MRPL34: variants seen among roughly 807,000 people sequenced by gnomAD.
MRPL34 encodes the protein mitochondrial ribosomal protein L34, also known as large ribosomal subunit protein bL34m.
Under a neutral mutation model 6.7 loss-of-function variants are expected in MRPL34, and 8 were observed. The ratio of observed to expected loss-of-function variants is 1.20; its 90% CI spans 0.70 to 2.16. The LOEUF (loss-of-function observed/expected upper bound fraction) is 2.16, where lower values mean the gene tolerates loss of function less well. MRPL34 is among the 30% of genes most tolerant of loss of function. MRPL34 has a pLI of 0.00. For missense variants in MRPL34, 146 were observed against 125.5 expected, an observed-to-expected ratio of 1.16 and a Z score of -0.78; for synonymous variants, 59 against 55.1, an observed-to-expected ratio of 1.07 and a Z score of -0.31.
chr19:17,294,554 C>G (rs764761766), intron 1 of MRPL34: 1 of 1,611,372 alleles, frequency 6.2e-7, no homozygotes, highest in African/African-American at 1.3e-5. Flanking sequence ...GCCCGACTGC[C>G]GTGGGGTGCC....
At chr19:17,305,831 G>C (rs1392404860), upstream of MRPL34, 3 of 1,501,724 alleles carry the variant, frequency 2.0e-6, no homozygotes, top group Non-Finnish European at 2.8e-6. Context: ...TTTGTTCCAG[G>C]GCTGGAGCGG....
chr19:17,294,176 CGG>C, intron 1 of MRPL34: 1 of 1,346,340 alleles, frequency 7.4e-7, no homozygotes, highest in South Asian at 1.4e-5. Context: ...CACGCCCCCT[CGG>C]GAAGAAAGCA....
chr19:17,305,662 CGTTCGCCGGCTACCT>C (rs1235777546), upstream of MRPL34: 1 of 581,350 alleles, frequency 1.7e-6, no homozygotes, highest in Non-Finnish European at 3.1e-6. Flanking sequence ...CAGAAGGCGC[CGTTCGCCGGCTACCT>C]GTTGGTGTGT....
chr19:17,293,809 T>C (rs554630536), intron 1 of MRPL34, among the ~76,000 whole-genome samples: 3 of 151,658 alleles, frequency 2.0e-5, no homozygotes, highest in African/African-American at 7.3e-5. Context: ...TCCGCCCCAC[T>C]CAGCCTCCCA....
upstream of MRPL34, among the ~76,000 whole-genome samples, chr19:17,305,241 C>CTT (rs34823570): frequency 1.8e-4 from 22 of 121,206 alleles, no homozygotes; most frequent in South Asian, 2.2e-3. Context: ...ATTTTTCTTC[C>CTT]TTTTTTTTTT....
exon 1 of MRPL34, chr19:17,292,655 C>G: frequency 6.2e-7 from 1 of 1,605,710 alleles, no homozygotes; most frequent in Non-Finnish European, 8.5e-7. Flanking sequence ...CCCGCCGGCC[C>G]AGCGGCTACT....
chr19:17,293,215 C>A (rs1013956630), intron 1 of MRPL34, among the ~76,000 whole-genome samples: 6 of 151,718 alleles, frequency 4.0e-5, no homozygotes, highest in African/African-American at 1.4e-4. Flanking sequence ...CTTGCCTCAG[C>A]CTCCCAAGTA....
chr19:17,294,081 C>G (rs1017546563), intron 1 of MRPL34, among the ~76,000 whole-genome samples: 3 of 152,134 alleles, frequency 2.0e-5, no homozygotes, highest in African/African-American at 7.2e-5. Flanking sequence ...TTTCTAGATT[C>G]TACTTCTGAT....
At chr19:17,297,220 C>T (rs1452933404) in intron 1 of MRPL34, among the ~76,000 whole-genome samples, 1 of 152,196 alleles carries the variant, frequency 6.6e-6, no homozygotes, top group Non-Finnish European at 1.5e-5. Flanking sequence ...CTCCACATTC[C>T]TGAAGTTGTA....
chr19:17,301,598 C>T (rs759068394), upstream of MRPL34: 13 of 1,553,880 alleles, frequency 8.4e-6, no homozygotes, highest in South Asian at 1.4e-4. Context: ...AAGATACCGT[C>T]GGTCACCCCG....
chr19:17,298,275 C>G (rs545062213), upstream of MRPL34: 1 of 152,040 alleles, frequency 6.6e-6, no homozygotes, highest in Non-Finnish European at 1.5e-5. Flanking sequence ...GCTCAACTTG[C>G]CTGGCTGTTC....
At chr19:17,295,732 G>T (rs1280092498) in intron 1 of MRPL34, among the ~76,000 whole-genome samples, 1 of 152,144 alleles carries the variant, frequency 6.6e-6, no homozygotes, top group Non-Finnish European at 1.5e-5. Flanking sequence ...TTTGAGACAA[G>T]GTTTCGCTGT....
upstream of MRPL34, among the ~76,000 whole-genome samples, chr19:17,303,866 A>G (rs1220919648): frequency 6.6e-6 from 1 of 152,218 alleles, no homozygotes; most frequent in Non-Finnish European, 1.5e-5. Context: ...AAAGGGCACA[A>G]GAGCATAAAT....
At chr19:17,292,747 G>A in exon 1 of MRPL34, 1 of 1,613,892 alleles carries the variant, frequency 6.2e-7, no homozygotes, top group Non-Finnish European at 8.5e-7. Context: ...AATTCGTGGA[G>A]CAGCGTGTTG....
upstream of MRPL34, chr19:17,305,758 T>A: frequency 1.1e-6 from 1 of 917,820 alleles, no homozygotes; most frequent in Non-Finnish European, 1.7e-6. Flanking sequence ...GAACTACAAC[T>A]TCAGGGTTTT....
chr19:17,294,460 T>C, intron 1 of MRPL34: 1 of 1,614,150 alleles, frequency 6.2e-7, no homozygotes, highest in Non-Finnish European at 8.5e-7. Context: ...GTTGCCCTCC[T>C]TTAACAGCTG....
At chr19:17,299,503 G>A (rs2074107958), upstream of MRPL34, among the ~76,000 whole-genome samples, 1 of 147,190 alleles carries the variant, frequency 6.8e-6, no homozygotes. Flanking sequence ...GGAGCTTGCA[G>A]TGAGCCAGGA....
chr19:17,294,233 C>T, intron 1 of MRPL34: 5 of 1,567,906 alleles, frequency 3.2e-6, no homozygotes, highest in Non-Finnish European at 4.3e-6. Context: ...CCACGCCCCT[C>T]CCGGGCAGCA....
chr19:17,294,964 C>T (rs552667250), intron 1 of MRPL34: 1 of 1,283,716 alleles, frequency 7.8e-7, no homozygotes, highest in Non-Finnish European at 1.1e-6. Flanking sequence ...TACTCTGTCC[C>T]CCAGGCTGGA....
Sources: gnomAD v4.1 joint callset for allele counts (sites outside exome capture counted in the v4.1 genomes callset) on GRCh38, gnomAD v4.1.1 for gene constraint, MANE v1.5 for transcripts, NCBI Gene and HGNC (gene_info 2026-07-23, HGNC 2026-07-21) for gene names.